Variants in PEX14 observed in about 807,000 individuals in gnomAD.
PEX14 encodes the protein peroxisomal membrane protein PEX14.
PEX14 carries 15 observed loss-of-function variants against 49.5 expected under a neutral mutation model. The ratio of observed to expected loss-of-function variants is 0.30; its 90% CI spans 0.20 to 0.47. The LOEUF (loss-of-function observed/expected upper bound fraction) is 0.47. Among genes scored for constraint, PEX14 ranks in the 20% least tolerant of loss-of-function variants. The pLI, the probability that PEX14 is intolerant of heterozygous loss-of-function variation, is 1.00. For missense variants in PEX14, 398 were observed against 494.8 expected, an observed-to-expected ratio of 0.80 and a Z score of 1.86; for synonymous variants, 210 against 212.7, an observed-to-expected ratio of 0.99 and a Z score of 0.11.
At chr1:10,601,365 C>G (rs1206151381) in intron 4 of PEX14, among the ~76,000 whole-genome samples, 1 of 152,056 alleles carries the variant, frequency 6.6e-6, no homozygotes, top group Admixed American at 6.6e-5. Context: ...CTGAAGCTGC[C>G]TTCTTTCCCT....
rs1229849148 is a variant in PEX14 at position 10,503,303 on chromosome 1, A to G, written c.84+7982A>G. Among the ~76,000 whole-genome samples the G allele has an allele frequency of 1.3e-3, 128 of 99,084 alleles. 1 individual carries two copies. Among genetic ancestry groups the G allele is most frequent in the African/African-American group, 3.9e-3 (120 of 30,972 alleles). 65.0% of individuals were successfully genotyped at this position (99,084 alleles called of 152,430 possible). ...TCTCAAAAAAAAAAAAAAAAAAAAA[A>G]AAAGAAAGAAAGAAAAGAAAAGAAA... On this transcript the variant is annotated intron_variant, in intron 2 of 8. Transcript: ENST00000356607.
At chr1:10,550,349 A>C (rs961383285) in intron 3 of PEX14, among the ~76,000 whole-genome samples, 18 of 152,208 alleles carry the variant, frequency 1.2e-4, no homozygotes, top group Non-Finnish European at 1.5e-5. Context: ...TTCCATCTGG[A>C]GACACCATGG....
At chr1:10,594,304 C>T (rs777959570) in intron 3 of PEX14, among the ~76,000 whole-genome samples, 4 of 152,012 alleles carry the variant, frequency 2.6e-5, no homozygotes, top group Non-Finnish European at 4.4e-5. Context: ...CAGAGTGTGC[C>T]GGGGCAGATA....
At chr1:10,589,503 G>A (rs1044879743) in intron 3 of PEX14, among the ~76,000 whole-genome samples, 1 of 152,032 alleles carries the variant, frequency 6.6e-6, no homozygotes, top group Non-Finnish European at 1.5e-5. Context: ...CCCCACCTCA[G>A]CCTCCCAAGT....
intron 2 of PEX14, among the ~76,000 whole-genome samples, chr1:10,510,865 G>A (rs1413839164): frequency 6.6e-6 from 1 of 152,146 alleles, no homozygotes; most frequent in Non-Finnish European, 1.5e-5. Flanking sequence ...TGACTGCTAC[G>A]CAAGCAACAT....
intron 2 of PEX14, among the ~76,000 whole-genome samples, chr1:10,500,020 A>G (rs527864635): frequency 5.9e-4 from 90 of 152,048 alleles, no homozygotes; most frequent in Admixed American, 2.0e-3. Context: ...GGGACACCCA[A>G]GATTTTCTCT....
intron 3 of PEX14, 69 bp downstream of exon 3, chr1:10,536,366 G>C: frequency 2.1e-6 from 2 of 975,410 alleles, no homozygotes; most frequent in Non-Finnish European, 3.3e-6. Context: ...TGGAAGCCAC[G>C]GTGCAAGGCA....
rs553528045 is a variant in PEX14 at position 10,568,888 on chromosome 1, C to T, written c.170-30350C>T. On this transcript the variant is annotated intron_variant, in intron 3 of 8. Coordinates refer to ENST00000356607, the MANE Select transcript of PEX14 (RefSeq NM_004565.3). ...CCAAGTAGCTGGGATTACAGATGCA[C>T]GTCACCACACCTTGCTAATTTTTGT... Among the ~76,000 whole-genome samples the T allele has an allele frequency of 9.9e-5, 15 of 152,124 alleles. 1 individual carries two copies. Among genetic ancestry groups the T allele is most frequent in the South Asian group, 8.3e-4 (4 of 4,810 alleles).
rs1000160346 is a variant in PEX14 at position 10,539,534 on chromosome 1, C to T, written c.169+3237C>T. 3.3e-5 allele frequency among the ~76,000 whole-genome samples: 5 copies of T among 151,964 alleles called. No individual in the cohort carries two copies. The highest frequency in any genetic ancestry group is 7.3e-5 in the African/African-American group (3 of 41,374). ...GATTCTGCAGATGACACATCAACTG[C>T]GGAGTCAGCCACACATCAAGATAAT... On this transcript the variant is annotated intron_variant, in intron 3 of 8. Coordinates refer to ENST00000356607, the MANE Select transcript of PEX14 (RefSeq NM_004565.3). The surrounding 1 kb of genome is among the most constrained non-coding windows in gnomAD (Gnocchi z 4.6).
chr1:10,577,410 C>CAAAAAA lies in PEX14; in HGVS notation c.170-21821_170-21816dup, dbSNP rs70997256. Among the ~76,000 whole-genome samples the CAAAAAA allele has an allele frequency of 3.9e-4, 39 of 99,348 alleles. 3 individuals carry two copies. Among genetic ancestry groups the CAAAAAA allele is most frequent in the Non-Finnish European group, 4.8e-4 (26 of 54,662 alleles). The allele number at this position is 99,348 out of a possible 152,430, so 65.2% of individuals were successfully genotyped here. A position where few individuals can be genotyped will look rare whatever the true frequency, so the allele number is the denominator to read the frequency against. On this transcript the variant is annotated intron_variant, in intron 3 of 8. Transcript: ENST00000356607. ...ATACTCTGTCTCAAAAAAAAAAAAC[C>CAAAAAA]AAAAAAAAAAAACCAAAAAACAATT... is the stretch of plus-strand genomic sequence containing the variant.
At chr1:10,592,195 T>G (rs1640688169) in intron 3 of PEX14, among the ~76,000 whole-genome samples, 1 of 152,124 alleles carries the variant, frequency 6.6e-6, no homozygotes. Context: ...TAGCAGAGAT[T>G]CCTGATTACC....
At chr1:10,541,251 C>T (rs1447473897) in intron 3 of PEX14, among the ~76,000 whole-genome samples, 1 of 152,212 alleles carries the variant, frequency 6.6e-6, no homozygotes, top group African/African-American at 2.4e-5. Context: ...ATGTTGTGGA[C>T]AGCCCCGTGG....
intron 3 of PEX14, among the ~76,000 whole-genome samples, chr1:10,561,436 C>G (rs1639650946): frequency 6.6e-6 from 1 of 152,162 alleles, no homozygotes; most frequent in Non-Finnish European, 1.5e-5. Context: ...ATCACACATT[C>G]TGCATTTGTC....
chr1:10,610,859 C>T (rs762933275), intron 4 of PEX14, among the ~76,000 whole-genome samples: 6 of 152,160 alleles, frequency 3.9e-5, no homozygotes, highest in Non-Finnish European at 8.8e-5. Flanking sequence ...TTCCTTCTCA[C>T]CTTTTTCTCT....
rs1168021414 is a variant in PEX14 at position 10,629,066 on chromosome 1, C to T, written c.678-465C>T. ...CCCTGCCAGTGGCCAGGGCTCCCTG[C>T]CTCCACCTTTTGCTCAGGCCATAGA... On this transcript the variant is annotated intron_variant, in intron 8 of 8. Transcript: ENST00000356607. This position sits in a 1 kb window ranked among gnomAD's most constrained non-coding sequence, Gnocchi z 8.5. Among the ~76,000 whole-genome samples the T allele has an allele frequency of 6.6e-6, 1 of 152,248 alleles. No homozygotes were observed. The highest frequency in any genetic ancestry group is 2.4e-5 in the African/African-American group (1 of 41,468).
intron 2 of PEX14, among the ~76,000 whole-genome samples, chr1:10,496,734 C>T (rs895928929): frequency 6.6e-6 from 1 of 151,688 alleles, no homozygotes; most frequent in Admixed American, 6.6e-5. Flanking sequence ...CCCTGCTCTT[C>T]CTGCTGTACT....
chr1:10,614,100 C>T (rs994558887), intron 4 of PEX14, among the ~76,000 whole-genome samples: 2 of 152,138 alleles, frequency 1.3e-5, no homozygotes, highest in South Asian at 2.1e-4. Flanking sequence ...TTGAGGTGGT[C>T]GTGGCTGGGA....
intron 3 of PEX14, among the ~76,000 whole-genome samples, chr1:10,549,570 A>C (rs1162062913): frequency 6.6e-6 from 1 of 152,162 alleles, no homozygotes; most frequent in Non-Finnish European, 1.5e-5. Flanking sequence ...GCTCTCCTTT[A>C]GGCAGTCCTG....
At chr1:10,503,557 T>G (rs1641725521) in intron 2 of PEX14, among the ~76,000 whole-genome samples, 2 of 151,882 alleles carry the variant, frequency 1.3e-5, no homozygotes, top group African/African-American at 4.8e-5. Flanking sequence ...AAATCAGTCA[T>G]CAGTTTCAAA....
Sources: gnomAD v4.1 joint callset for allele counts (sites outside exome capture counted in the v4.1 genomes callset) on GRCh38, gnomAD v4.1.1 for gene constraint, Gnocchi (gnomAD v3.1) non-coding constraint, MANE v1.5 for transcripts, NCBI Gene and HGNC (gene_info 2026-07-23, HGNC 2026-07-21) for gene names.